Variants in HDAC9 observed in about 807,000 individuals in gnomAD.
HDAC9 encodes the protein MEF-2 interacting transcription repressor (MITR) protein.
HDAC9 carries 41 observed loss-of-function variants against 139.4 expected under a neutral mutation model. The observed-to-expected ratio is 0.29, with a 90% CI of 0.23 to 0.38. HDAC9 has a LOEUF of 0.38. HDAC9 is among the 10% of genes least tolerant of loss of function. The probability of loss-of-function intolerance (pLI) is 1.00; values close to 1 mark genes in which losing one functional copy is unlikely to be tolerated. For missense variants in HDAC9, 1,147 were observed against 1,297.0 expected (o/e 0.88, Z 1.78); for synonymous variants, 517 against 476.2 (o/e 1.09, Z -1.12).
intron 1 of HDAC9, among the ~76,000 whole-genome samples, chr7:18,321,908 G>C (rs753412903): frequency 1.3e-5 from 2 of 152,106 alleles, no homozygotes; most frequent in Non-Finnish European, 1.5e-5. Flanking sequence ...AAATATTTCT[G>C]CTTTCCATTA....
chr7:18,178,496 T>C (rs1789138387), intron 2 of HDAC9, among the ~76,000 whole-genome samples: 1 of 152,170 alleles, frequency 6.6e-6, no homozygotes, highest in African/African-American at 2.4e-5. Context: ...TGTGGGGAAG[T>C]TGCTAAGTTT....
intron 1 of HDAC9, among the ~76,000 whole-genome samples, chr7:18,451,925 A>G (rs78409359): frequency 0.016 from 2,479 of 152,160 alleles, 64 homozygotes; most frequent in African/African-American, 0.056. Context: ...TGGCAATGTC[A>G]CCTAAATCTG....
At chr7:18,461,233 C>A (rs551276809) in intron 1 of HDAC9, among the ~76,000 whole-genome samples, 1 of 152,154 alleles carries the variant, frequency 6.6e-6, no homozygotes, top group Non-Finnish European at 1.5e-5. Context: ...GAATGCAAAC[C>A]TAACCCTTTT....
chr7:18,925,603 A>C (rs1804148089), intron 22 of HDAC9, among the ~76,000 whole-genome samples: 1 of 152,080 alleles, frequency 6.6e-6, no homozygotes. Context: ...AAACTAAATC[A>C]ATGAAATTTT....
chr7:18,228,877 A>C (rs1793250611), intron 2 of HDAC9, among the ~76,000 whole-genome samples: 2 of 152,154 alleles, frequency 1.3e-5, no homozygotes, highest in African/African-American at 4.8e-5. Context: ...AACATTTCTA[A>C]CAGAATACAG....
chr7:18,560,343 T>G (rs1820193877), intron 2 of HDAC9, among the ~76,000 whole-genome samples: 1 of 152,214 alleles, frequency 6.6e-6, no homozygotes, highest in South Asian at 2.1e-4. Flanking sequence ...AATAGTAGTT[T>G]CTGTTGTAGA....
chr7:18,531,208 C>G (rs576828466), intron 2 of HDAC9, among the ~76,000 whole-genome samples: 1 of 151,908 alleles, frequency 6.6e-6, no homozygotes, highest in Non-Finnish European at 1.5e-5. Flanking sequence ...GTTCAGAAAC[C>G]TCAGGAAGAA....
At chr7:18,609,117 C>A (rs1317456025) in intron 6 of HDAC9, among the ~76,000 whole-genome samples, 1 of 151,924 alleles carries the variant, frequency 6.6e-6, no homozygotes, top group Admixed American at 6.6e-5. Context: ...AAGAGAAATT[C>A]TTGGAGAGAA....
At chr7:18,811,870 G>A (rs1401112894) in intron 17 of HDAC9, among the ~76,000 whole-genome samples, 1 of 151,522 alleles carries the variant, frequency 6.6e-6, no homozygotes. Flanking sequence ...GAGAGGGAGA[G>A]AGAGAAAGAG....
intron 1 of HDAC9, among the ~76,000 whole-genome samples, chr7:18,377,531 G>A (rs942503780): frequency 2.6e-5 from 4 of 151,940 alleles, no homozygotes; most frequent in East Asian, 1.9e-4. Flanking sequence ...CCATATATGC[G>A]CATGACACTT....
chr7:18,628,163 A>G (rs557989239), intron 6 of HDAC9, among the ~76,000 whole-genome samples: 2 of 152,288 alleles, frequency 1.3e-5, no homozygotes, highest in East Asian at 3.9e-4. Flanking sequence ...ACTATTTTAT[A>G]ATTTTTATGA....
chr7:18,438,904 C>G (rs1296239003), intron 1 of HDAC9, among the ~76,000 whole-genome samples: 2 of 152,106 alleles, frequency 1.3e-5, no homozygotes, highest in East Asian at 3.9e-4. Context: ...TCTTTGCCTG[C>G]ATTACAGTGA....
chr7:18,320,052 C>A (rs1799921405), intron 1 of HDAC9, among the ~76,000 whole-genome samples: 1 of 152,174 alleles, frequency 6.6e-6, no homozygotes, highest in African/African-American at 2.4e-5. Context: ...GTCCAACTTA[C>A]TTCAGCACCT....
At chr7:18,700,456 G>A (rs981291099) in intron 12 of HDAC9, among the ~76,000 whole-genome samples, 1 of 152,126 alleles carries the variant, frequency 6.6e-6, no homozygotes, top group Non-Finnish European at 1.5e-5. Context: ...ATCAAGATAC[G>A]CTTGGGAGTG....
chr7:18,190,543 A>G (rs1399126264), intron 2 of HDAC9, among the ~76,000 whole-genome samples: 1 of 152,214 alleles, frequency 6.6e-6, no homozygotes, highest in African/African-American at 2.4e-5. Flanking sequence ...TTATAAAAAG[A>G]CCACCCAATA....
chr7:18,453,754 T>C (rs1793097976), intron 1 of HDAC9, among the ~76,000 whole-genome samples: 1 of 152,200 alleles, frequency 6.6e-6, no homozygotes. Flanking sequence ...TACAAATAAG[T>C]AAATGTCAGA....
At chr7:18,559,203 T>C (rs1235250823) in intron 2 of HDAC9, among the ~76,000 whole-genome samples, 1 of 152,196 alleles carries the variant, frequency 6.6e-6, no homozygotes, top group Non-Finnish European at 1.5e-5. Context: ...CTAGGTGTCC[T>C]TCATGGGCAG....
chr7:18,111,297 G>A (rs1331679124), intron 1 of HDAC9, among the ~76,000 whole-genome samples: 2 of 152,240 alleles, frequency 1.3e-5, no homozygotes, highest in African/African-American at 4.8e-5. Flanking sequence ...ATTTGAGGAT[G>A]ATTGGTGAGT....
intron 2 of HDAC9, among the ~76,000 whole-genome samples, chr7:18,223,250 C>T (rs1792825758): frequency 6.6e-6 from 1 of 152,052 alleles, no homozygotes; most frequent in Non-Finnish European, 1.5e-5. Flanking sequence ...TAAATATTTA[C>T]ATACGTCTTT....
Sources: allele counts gnomAD v4.1 joint callset (sites outside exome capture counted in the v4.1 genomes callset), GRCh38; gene constraint gnomAD v4.1.1; transcripts MANE v1.5; gene names NCBI Gene and HGNC (gene_info 2026-07-23, HGNC 2026-07-21).